Variants in SNX29 observed in about 807,000 individuals in gnomAD.
SNX29 encodes sorting nexin 29.
SNX29 carries 78 observed loss-of-function variants against 102.1 expected under a neutral mutation model. The observed-to-expected ratio is 0.76, with a 90% confidence interval of 0.64 to 0.92. SNX29 has a LOEUF of 0.92. Among genes scored for constraint, SNX29 ranks in the 40% least tolerant of loss-of-function variants. The probability of loss-of-function intolerance (pLI) is 0.00; values close to 1 mark genes in which losing one functional copy is unlikely to be tolerated. For synonymous variants in SNX29, 580 were observed against 414.5 expected, an observed-to-expected ratio of 1.40 and a Z score of -4.85; for missense variants, 1,280 against 1,061.7, an observed-to-expected ratio of 1.21 and a Z score of -2.86.
At chr16:12,518,990 G>A (rs1039085157) in intron 19 of SNX29, among the ~76,000 whole-genome samples, 2 of 152,136 alleles carry the variant, frequency 1.3e-5, no homozygotes, top group African/African-American at 4.8e-5. Flanking sequence ...TATAAATCAG[G>A]GCTTGCAAAT....
chr16:12,462,016 T>TACAC (rs375061825), intron 18 of SNX29, among the ~76,000 whole-genome samples: 5,552 of 65,026 alleles, frequency 0.085, 406 homozygotes, highest in East Asian at 0.19. Flanking sequence ...TATATATGTA[T>TACAC]ACACACACAC....
chr16:12,481,072 C>A (rs1311608536), intron 19 of SNX29, among the ~76,000 whole-genome samples: 1 of 152,170 alleles, frequency 6.6e-6, no homozygotes, highest in Non-Finnish European at 1.5e-5. Flanking sequence ...AGCAGCAAAC[C>A]TTTCTCCTAT....
chr16:12,571,678 G>GT lies in SNX29; in HGVS notation c.*3050dup. 9.4e-7 allele frequency: 1 copy of GT among 1,059,550 alleles called. No homozygotes were observed. Among genetic ancestry groups the GT allele is most frequent in the South Asian group, 4.6e-5 (1 of 21,892 alleles). The allele number at this position is 1,059,550 out of a possible 1,614,324, so 65.6% of individuals were successfully genotyped here. On this transcript the variant is annotated 3_prime_UTR_variant, in exon 21 of 21. Transcript: ENST00000566228. ...AGGAACGGTAGGGCTGGGCAGAGGT[G>GT]TCTCTCCTTGAGAGACAACAAAAGC... is the stretch of plus-strand genomic sequence containing the variant.
intron 16 of SNX29, among the ~76,000 whole-genome samples, chr16:12,370,555 G>A (rs142676934): frequency 3.3e-5 from 5 of 152,132 alleles, no homozygotes; most frequent in Non-Finnish European, 7.3e-5. Flanking sequence ...GCGAAACTCC[G>A]TCTCAAAACA....
In SNX29 at chr16:12,265,275, A is replaced by T. The variant is rs148943172; in HGVS notation, c.1679-12658A>T. Among the ~76,000 whole-genome samples the T allele has an allele frequency of 3.7e-3, 565 of 152,122 alleles. 4 individuals carry two copies. Among genetic ancestry groups the T allele is most frequent in the African/African-American group, 0.013 (537 of 41,486 alleles). ...TCAAACTGCTTTTCACTTGGGGGGG[A>T]GAAACATGAGTCTAAAGTTTCCATC... is the stretch of plus-strand genomic sequence containing the variant. On this transcript the variant is annotated intron_variant, in intron 14 of 20. Transcript: ENST00000566228.
chr16:12,016,282 G>A (rs2151077196), intron 3 of SNX29, among the ~76,000 whole-genome samples: 1 of 152,304 alleles, frequency 6.6e-6, no homozygotes, highest in Non-Finnish European at 1.5e-5. Flanking sequence ...TGAAGCAATA[G>A]ACATTCTTAA....
chr16:12,352,130 T>A (rs1212874814), intron 15 of SNX29, among the ~76,000 whole-genome samples: 1 of 152,168 alleles, frequency 6.6e-6, no homozygotes, highest in Non-Finnish European at 1.5e-5. Flanking sequence ...TGTCCAACAA[T>A]GATAGACTGG....
In SNX29 at chr16:12,052,135, A is replaced by T. The variant is rs374605253; in HGVS notation, c.1037A>T (p.Asp346Val). 6.2e-6 allele frequency: 10 copies of T among 1,613,854 alleles called. No individual in the cohort carries two copies. The highest frequency in any genetic ancestry group is 7.6e-6 in the Non-Finnish European group (9 of 1,179,862). Residue 346 changes from aspartate to valine, a missense_variant, in exon 8 of 21, where the codon GAT becomes GTT. By Grantham distance (152) the Asp-to-Val change is radical. Coordinates refer to ENST00000566228, the MANE Select transcript of SNX29 (RefSeq NM_032167.5). ...CAGAAGCTTGATGTGAAAAGCATCG[A>T]TGATGAAGATGTGGATGAAAACGAA... is the stretch of plus-strand genomic sequence containing the variant. ...GYQKLDVKSI[D>V]DEDVDENEDD...
At chr16:12,019,249 C>A (rs548191491) in intron 3 of SNX29, among the ~76,000 whole-genome samples, 1 of 152,238 alleles carries the variant, frequency 6.6e-6, no homozygotes, top group African/African-American at 2.4e-5. Context: ...GCTCTGTCAC[C>A]CAGGCTGGAG....
chr16:12,056,565 G>A (rs558330045), intron 8 of SNX29, among the ~76,000 whole-genome samples: 1 of 152,318 alleles, frequency 6.6e-6, no homozygotes, highest in African/African-American at 2.4e-5. Context: ...CAGACCAGGA[G>A]AAGCTCACTG....
intron 19 of SNX29, among the ~76,000 whole-genome samples, chr16:12,488,310 C>G (rs898778112): frequency 3.3e-5 from 5 of 152,014 alleles, no homozygotes; most frequent in African/African-American, 1.2e-4. Flanking sequence ...GTCCCACCCT[C>G]CATTGTGGCC....
At chr16:12,280,544 C>T (rs1230251049) in intron 15 of SNX29, among the ~76,000 whole-genome samples, 3 of 151,994 alleles carry the variant, frequency 2.0e-5, no homozygotes, top group African/African-American at 4.8e-5. Context: ...TTTTTTATCC[C>T]GGGAGCAGTA....
At chr16:12,137,095 T>G (rs931738209) in intron 13 of SNX29, among the ~76,000 whole-genome samples, 1 of 152,164 alleles carries the variant, frequency 6.6e-6, no homozygotes, top group African/African-American at 2.4e-5. Flanking sequence ...AGGGCCATGA[T>G]TGACAGTCTT....
intron 20 of SNX29, among the ~76,000 whole-genome samples, chr16:12,550,077 G>A (rs2077872766): frequency 6.6e-6 from 1 of 152,166 alleles, no homozygotes; most frequent in Non-Finnish European, 1.5e-5. Flanking sequence ...CCCTTTATAG[G>A]AAGTTTGCCA....
rs897847435 is a variant in SNX29 at position 12,572,039 on chromosome 16, G to T, written c.*3410G>T. 1 of 1,063,360 alleles carries T rather than the reference G, an allele frequency of 9.4e-7. No homozygotes were observed. The highest frequency in any genetic ancestry group is 1.6e-5 in the African/African-American group (1 of 60,924). The allele number at this position is 1,063,360 out of a possible 1,614,324, so 65.9% of individuals were successfully genotyped here. A position where few individuals can be genotyped will look rare whatever the true frequency, so the allele number is the denominator to read the frequency against. On this transcript the variant is annotated 3_prime_UTR_variant, in exon 21 of 21. Coordinates refer to ENST00000566228, the MANE Select transcript of SNX29 (RefSeq NM_032167.5). ...CTGGCTATAAAAGGGATCATCCAGT[G>T]GAGTTGTAAACAAGGGAACCATCTT...
intron 15 of SNX29, among the ~76,000 whole-genome samples, chr16:12,302,308 C>CA (rs1185026568): frequency 2.6e-5 from 4 of 152,204 alleles, no homozygotes; most frequent in Admixed American, 2.6e-4. Context: ...ACAGTTACAG[C>CA]AGGCACACTT....
At chr16:12,429,319 C>T (rs931232049) in intron 18 of SNX29, among the ~76,000 whole-genome samples, 1 of 152,234 alleles carries the variant, frequency 6.6e-6, no homozygotes, top group African/African-American at 2.4e-5. Context: ...TAGTTAATCC[C>T]AACACATAGA....
intron 14 of SNX29, among the ~76,000 whole-genome samples, chr16:12,246,189 A>G (rs1011464147): frequency 7.9e-5 from 12 of 152,150 alleles, no homozygotes; most frequent in Admixed American, 7.9e-4. Context: ...ATGTATATTA[A>G]CATGGAAATA....
chr16:12,278,653 GGTTCAGGTAT>G, intron 15 of SNX29, among the ~76,000 whole-genome samples: 1 of 49,862 alleles, frequency 2.0e-5, no homozygotes, highest in East Asian at 3.8e-4. Context: ...TCTCTATCTT[GGTTCAGGTAT>G]GCATTACTGT....
Sources: gnomAD v4.1 joint callset for allele counts (sites outside exome capture counted in the v4.1 genomes callset) on GRCh38, gnomAD v4.1.1 for gene constraint, MANE v1.5 for transcripts, NCBI Gene and HGNC (gene_info 2026-07-23, HGNC 2026-07-21) for gene names.